Variants in FMO5 observed in about 807,000 individuals in gnomAD.
FMO5 encodes the protein flavin containing dimethylaniline monoxygenase 5, also known as flavin-containing monooxygenase 5.
In FMO5, 51 loss-of-function variants were observed where a neutral mutation model predicts 43.6. The ratio of observed to expected loss-of-function variants is 1.17; its 90% CI spans 0.93 to 1.48. The LOEUF (loss-of-function observed/expected upper bound fraction) is 1.48. FMO5 is among the 40% of genes most tolerant of loss of function. FMO5 has a pLI of 0.00. For missense variants in FMO5, 644 were observed against 643.0 expected (o/e 1.00, Z -0.02); for synonymous variants, 187 against 216.5 (o/e 0.86, Z 1.20).
At chr1:147,205,025 G>A in intron 6 of FMO5, 1 of 727,418 alleles carries the variant, frequency 1.4e-6, no homozygotes, top group East Asian at 2.6e-5. Context: ...GATACATTCA[G>A]TCACTCTTCC....
intron 7 of FMO5, among the ~76,000 whole-genome samples, chr1:147,199,429 G>A (rs1658607124): frequency 1.3e-5 from 2 of 152,160 alleles, no homozygotes; most frequent in South Asian, 2.1e-4. Flanking sequence ...TTAGAAAAAA[G>A]CTGGAGGAAT....
At chr1:147,200,589 TC>T (rs1361017076) in intron 7 of FMO5, among the ~76,000 whole-genome samples, 2 of 20,766 alleles carry the variant, frequency 9.6e-5, no homozygotes, top group African/African-American at 3.0e-4. Flanking sequence ...TGAAACCTAT[TC>T]CCCTTTTTTT....
At chr1:147,204,120 C>T (rs1031628447) in intron 6 of FMO5, 1 of 1,053,062 alleles carries the variant, frequency 9.5e-7, no homozygotes, top group African/African-American at 1.6e-5. Flanking sequence ...AGATTTTCTT[C>T]TCCCTTACTT....
chr1:147,196,203 T>C lies in FMO5; in HGVS notation c.1183+4949A>G, dbSNP rs138925438. ...CTATCCTGGTGTATCCCTCTTAAAA[T>C]ATGGAACTCAGAAGTTCATCACTCT... On this transcript the variant is annotated intron_variant, in intron 7 of 8. Transcript: ENST00000254090. Among the ~76,000 whole-genome samples the C allele has an allele frequency of 7.3e-4, 111 of 152,286 alleles. 1 individual carries two copies. The Middle Eastern group carries it at 0.014, about 19-fold the overall frequency.
intron 6 of FMO5, among the ~76,000 whole-genome samples, chr1:147,202,915 A>G (rs1659290786): frequency 6.6e-6 from 1 of 152,056 alleles, no homozygotes; most frequent in South Asian, 2.1e-4. Context: ...CATCCCCAAG[A>G]TAGTTTTATC....
chr1:147,212,570 G>T (rs200888056), intron 4 of FMO5, 35 bp from the exon 5 acceptor site: 20 of 1,587,146 alleles, frequency 1.3e-5, no homozygotes, highest in Non-Finnish European at 1.7e-5. Context: ...TTGGGTAATG[G>T]TTTACATGAT....
rs1553920791 is a variant in FMO5 at position 147,201,171 on chromosome 1, C to A, written c.1164G>T (p.Trp388Cys). ...ACTTACCTTTAAATACCTGAGTGGC[C>A]CAGCGTCCTTGGAGCTCTGAAATGG... ...IMPISELQGR[W>C]ATQVFKGLKT... The change falls in exon 7 of 9, where the codon TGG becomes TGT. Residue 388 changes from tryptophan (W) to cysteine (C), a missense_variant. Physicochemically the swap from Trp to Cys is radical, Grantham distance 215. Transcript: ENST00000254090. 6.2e-7 allele frequency: 1 copy of A among 1,612,802 alleles called. No homozygotes were observed. The highest frequency in any genetic ancestry group is 8.5e-7 in the Non-Finnish European group (1 of 1,179,390).
rs1036393846 is a variant in FMO5, at chr1:147,186,696, C to T, written c.*204G>A. On this transcript the variant is annotated 3_prime_UTR_variant, in exon 9 of 9. Coordinates refer to ENST00000254090, the MANE Select transcript of FMO5 (RefSeq NM_001461.4). Reference sequence around the variant, plus strand: ...TAGGGATTACCACAAGGAAGAGTGACGGATCATGAGTGGAAGGGAGATGAG... The same window carrying T: ...TAGGGATTACCACAAGGAAGAGTGATGGATCATGAGTGGAAGGGAGATGAG... 22 of 1,390,692 alleles carry T rather than the reference C, an allele frequency of 1.6e-5. No individual in the cohort carries two copies. The highest frequency in any genetic ancestry group is 1.1e-4 in the East Asian group (4 of 37,458). The allele number at this position is 1,390,692 out of a possible 1,614,324, so 86.1% of individuals were successfully genotyped here.
chr1:147,221,543 G>A (rs1163504824), intron 2 of FMO5, among the ~76,000 whole-genome samples: 1 of 152,202 alleles, frequency 6.6e-6, no homozygotes, highest in African/African-American at 2.4e-5. Context: ...TGGAGAGCAG[G>A]TGAGGCATGT....
At chr1:147,192,877 A>G (rs140334766) in intron 7 of FMO5, among the ~76,000 whole-genome samples, 1,681 of 152,210 alleles carry the variant, frequency 0.011, 40 homozygotes, top group African/African-American at 0.039. Context: ...TGATCATGGC[A>G]GATAAGCTTT....
intron 4 of FMO5, among the ~76,000 whole-genome samples, chr1:147,213,074 C>T (rs1553924070): frequency 6.6e-6 from 1 of 152,092 alleles, no homozygotes; most frequent in Non-Finnish European, 1.5e-5. Context: ...TCATTTGATA[C>T]AATGACTAAA....
intron 2 of FMO5, chr1:147,224,244 T>A: frequency 4.5e-6 from 1 of 224,046 alleles, no homozygotes; most frequent in Non-Finnish European, 9.0e-6. Context: ...ACAGATATGA[T>A]GAGATTCGCT....
chr1:147,215,906 A>G lies in FMO5; in HGVS notation c.172T>C (p.Ser58Pro), dbSNP rs1661902427. ...TCTTTAGAAGTATTGATGATCACTG[A>G]TTTGTAAATACTGGCCCTTCCTTCT... ...PEEGRASIYK[S>P]VIINTSKEMM... The change falls in exon 3 of 9, where the codon TCA becomes CCA. Residue 58 changes from serine to proline, a missense_variant. Ser to Pro is a moderately conservative substitution (Grantham distance 74). Coordinates refer to ENST00000254090, the MANE Select transcript of FMO5 (RefSeq NM_001461.4). 6.2e-7 allele frequency: 1 copy of G among 1,612,210 alleles called. No individual in the cohort carries two copies.
chr1:147,197,003 C>G (rs1344493184), intron 7 of FMO5, among the ~76,000 whole-genome samples: 1 of 152,170 alleles, frequency 6.6e-6, no homozygotes, highest in East Asian at 1.9e-4. Context: ...AACATATCTT[C>G]TAAACTGGAG....
At chr1:147,206,547 A>T (rs1660080072) in intron 6 of FMO5, among the ~76,000 whole-genome samples, 1 of 152,224 alleles carries the variant, frequency 6.6e-6, no homozygotes, top group African/African-American at 2.4e-5. Context: ...GATTAAGAAA[A>T]TGTGGCACAT....
rs146219462 is a variant in FMO5, at chr1:147,195,512, G to A, written c.1184-5263C>T. Among the ~76,000 whole-genome samples, 781 of 152,210 alleles carry A rather than the reference G, an allele frequency of 5.1e-3. 8 individuals are homozygous for A. The highest frequency in any genetic ancestry group is 0.017 in the African/African-American group (692 of 41,500). On this transcript the variant is annotated intron_variant, in intron 7 of 8. Coordinates refer to ENST00000254090, the MANE Select transcript of FMO5 (RefSeq NM_001461.4). The stretch of plus-strand genomic sequence containing the variant: ...TTTTCTAAACATGTTTCTTTGATAA[G>A]AGTAGGGGTTAAGGCCAAGGGGAAC...
chr1:147,191,658 T>A (rs1359640377), intron 7 of FMO5, among the ~76,000 whole-genome samples: 1 of 151,452 alleles, frequency 6.6e-6, no homozygotes, highest in Non-Finnish European at 1.5e-5. Flanking sequence ...GATGGTAGTT[T>A]CTTTAGTCCA....
chr1:147,205,090 T>C (rs1659753669), intron 6 of FMO5, among the ~76,000 whole-genome samples: 2 of 152,244 alleles, frequency 1.3e-5, no homozygotes, highest in African/African-American at 2.4e-5. Context: ...TGGAGCATAA[T>C]GTATTTTTTG....
In FMO5 at chr1:147,224,971, T is replaced by G; in HGVS notation, c.59A>C (p.Lys20Thr). 6.2e-7 allele frequency: 1 copy of G among 1,614,036 alleles called. No homozygotes were observed. The highest frequency in any genetic ancestry group is 8.5e-7 in the Non-Finnish European group (1 of 1,179,988). Reference sequence around the variant, plus strand: ...TTCCAAGCCTTCTTCTACGCAGCACTTGATGGAAGAGAGCCCGCTCACTCC... The same window carrying G: ...TTCCAAGCCTTCTTCTACGCAGCACGTGATGGAAGAGAGCCCGCTCACTCC... ...GGGVSGLSSI[K>T]CCVEEGLEPV... The change falls in exon 2 of 9, where the codon AAG (lysine) becomes ACG (threonine). Residue 20 changes from lysine to threonine, a missense_variant. Physicochemically the swap from Lys to Thr is moderately conservative, Grantham distance 78 (BLOSUM62 -1). Coordinates refer to ENST00000254090, the MANE Select transcript of FMO5 (RefSeq NM_001461.4).
Sources: allele counts gnomAD v4.1 joint callset (sites outside exome capture counted in the v4.1 genomes callset), GRCh38; gene constraint gnomAD v4.1.1; transcripts MANE v1.5; gene names NCBI Gene and HGNC (gene_info 2026-07-23, HGNC 2026-07-21).